The following HERC4 variants were observed in gnomAD, a reference collection of about 807,000 sequenced individuals.
The protein encoded by HERC4 is HECT and RLD domain containing E3 ubiquitin protein ligase 4, also known as probable E3 ubiquitin-protein ligase HERC4.
HERC4 carries 28 observed loss-of-function variants against 124.3 expected under a neutral mutation model. That is an observed-to-expected ratio of 0.23 (90% CI 0.17 to 0.31). The LOEUF (loss-of-function observed/expected upper bound fraction) is 0.31. Among genes scored for constraint, HERC4 ranks in the 10% least tolerant of loss-of-function variants. HERC4 has a pLI of 1.00. For synonymous variants in HERC4, 407 were observed against 421.5 expected (o/e 0.97, Z 0.42); for missense variants, 713 against 1,229.3 (o/e 0.58, Z 6.28).
intron 8 of HERC4, among the ~76,000 whole-genome samples, chr10:68,023,781 C>A (rs527576870): frequency 3.3e-5 from 5 of 152,082 alleles, no homozygotes; most frequent in Admixed American, 2.0e-4. Context: ...AAAGTTGATT[C>A]CTTACTTGAA....
At chr10:68,016,729 T>C (rs897888494) in intron 8 of HERC4, among the ~76,000 whole-genome samples, 15 of 152,328 alleles carry the variant, frequency 9.8e-5, no homozygotes, top group Admixed American at 7.2e-4. Flanking sequence ...ACTTCCTGTT[T>C]AGGTTAAGTC....
chr10:67,973,388 T>C (rs184004070), intron 15 of HERC4, among the ~76,000 whole-genome samples: 3 of 152,332 alleles, frequency 2.0e-5, no homozygotes, highest in African/African-American at 7.2e-5. Context: ...TTAGCCATCC[T>C]CAGCCAAGGC....
intron 23 of HERC4, among the ~76,000 whole-genome samples, chr10:67,929,942 C>A (rs1301318966): frequency 1.3e-5 from 2 of 151,848 alleles, no homozygotes; most frequent in Non-Finnish European, 2.9e-5. Context: ...GCCTCCCGAG[C>A]AGCTGGGATT....
At chr10:67,941,365 C>T (rs7081996) in intron 19 of HERC4, among the ~76,000 whole-genome samples, 137,958 of 150,062 alleles carry the variant, frequency 0.92, 62,958 homozygotes, top group African/African-American at 0.94. Flanking sequence ...CAACTGTTTT[C>T]TCCCAGACAT....
intron 8 of HERC4, among the ~76,000 whole-genome samples, chr10:68,015,507 A>T (rs2038210768): frequency 6.6e-6 from 1 of 152,244 alleles, no homozygotes; most frequent in Non-Finnish European, 1.5e-5. Context: ...TCCAAAGTCA[A>T]TTCAAACTAA....
chr10:68,005,673 C>CT lies in HERC4; in HGVS notation c.1069+8352dup, dbSNP rs917004730. Among the ~76,000 whole-genome samples the CT allele has an allele frequency of 1.0e-3, 145 of 144,162 alleles. 1 individual carries two copies. Among genetic ancestry groups the CT allele is most frequent in the East Asian group, 7.9e-3 (39 of 4,960 alleles). 94.6% of individuals were successfully genotyped at this position (144,162 alleles called of 152,430 possible). A position where few individuals can be genotyped will look rare whatever the true frequency, so the allele number is the denominator to read the frequency against. ...TTCTCTGGTGGTATGTTTTAATTTC[C>CT]TTTTTTTTTTTAATTTTCTGTGCAT... On this transcript the variant is annotated intron_variant, in intron 9 of 24. Transcript: ENST00000373700.
In HERC4 at chr10:67,940,934, C is replaced by G; in HGVS notation, c.2504+5G>C. The G allele has an allele frequency of 1.2e-6, 2 of 1,605,430 alleles. No homozygotes were observed. The highest frequency in any genetic ancestry group is 1.7e-6 in the Non-Finnish European group (2 of 1,177,588). On this transcript the variant is annotated splice_donor_5th_base_variant and intron_variant, in intron 20 of 24. Coordinates refer to ENST00000373700, the MANE Select transcript of HERC4 (RefSeq NM_015601.4). ...ACTACTTTTTGACTTTTTTTTCCAA[C>G]TAACCTCCCAACATCAGGCATTAGT...
At chr10:67,927,409 TATATATATATA>T (rs1564910824) in intron 23 of HERC4, among the ~76,000 whole-genome samples, 1 of 10,372 alleles carries the variant, frequency 9.6e-5, no homozygotes, top group African/African-American at 2.6e-4. Flanking sequence ...TATATATATA[TATATATATATA>T]TATATATATA....
intron 20 of HERC4, 69 bp from the exon 21 acceptor site, chr10:67,939,723 T>G (rs1008397974): frequency 1.7e-4 from 44 of 254,172 alleles, no homozygotes; most frequent in South Asian, 5.8e-4. Flanking sequence ...TACTTATGGA[T>G]ATATATATAT....
intron 9 of HERC4, among the ~76,000 whole-genome samples, chr10:67,998,223 A>G (rs1257057111): frequency 1.3e-5 from 2 of 151,588 alleles, no homozygotes; most frequent in African/African-American, 4.8e-5. Context: ...AGAAACCCCA[A>G]AAGTTCTCAA....
chr10:67,930,772 C>A (rs1378963420), intron 23 of HERC4, among the ~76,000 whole-genome samples: 1 of 152,206 alleles, frequency 6.6e-6, no homozygotes, highest in Non-Finnish European at 1.5e-5. Context: ...CTCTGCCTCC[C>A]AGGTTCAAGT....
intron 11 of HERC4, among the ~76,000 whole-genome samples, chr10:67,991,493 TAA>T (rs1172841658): frequency 6.6e-6 from 1 of 152,184 alleles, no homozygotes; most frequent in Non-Finnish European, 1.5e-5. Context: ...TATGTTCATG[TAA>T]AAAGTTTTTT....
chr10:68,027,374 T>A (rs933595175), intron 7 of HERC4, among the ~76,000 whole-genome samples: 30 of 152,180 alleles, frequency 2.0e-4, no homozygotes, highest in African/African-American at 6.8e-4. Flanking sequence ...TGGGGGTATT[T>A]TCAAACAAAA....
intron 3 of HERC4, among the ~76,000 whole-genome samples, chr10:68,066,698 C>T (rs530309409): frequency 6.6e-6 from 1 of 152,066 alleles, no homozygotes; most frequent in Non-Finnish European, 1.5e-5. Context: ...TACTATGGAC[C>T]TTGGCTTGTA....
At chr10:68,064,952 C>A (rs2041227735) in intron 3 of HERC4, among the ~76,000 whole-genome samples, 1 of 143,402 alleles carries the variant, frequency 7.0e-6, no homozygotes, top group South Asian at 2.2e-4. Flanking sequence ...GCTTGGGTGA[C>A]AGAGCAAGGC....
intron 4 of HERC4, chr10:68,039,356 G>A (rs774472918): frequency 1.1e-5 from 17 of 1,482,148 alleles, no homozygotes; most frequent in African/African-American, 5.8e-5. Context: ...AAGAAAAAAC[G>A]GGGGATGGGG....
At chr10:68,063,087 A>G (rs1046577566) in intron 3 of HERC4, among the ~76,000 whole-genome samples, 4 of 152,136 alleles carry the variant, frequency 2.6e-5, no homozygotes, top group Non-Finnish European at 5.9e-5. Context: ...TACATCCTGT[A>G]ACACTTAGCA....
chr10:68,044,674 T>C, intron 3 of HERC4, 111 bp from the exon 4 acceptor site: 1 of 949,952 alleles, frequency 1.1e-6, no homozygotes, highest in Non-Finnish European at 1.6e-6. Context: ...CTTCATTTTA[T>C]ACAAACAAGC....
At chr10:67,983,025 G>A (rs2036028468) in intron 15 of HERC4, among the ~76,000 whole-genome samples, 2 of 151,590 alleles carry the variant, frequency 1.3e-5, no homozygotes, top group Admixed American at 1.3e-4. Context: ...TTAATTGGGA[G>A]GCTGAGGCAG....
Sources: gnomAD v4.1 joint callset for allele counts (sites outside exome capture counted in the v4.1 genomes callset) on GRCh38, gnomAD v4.1.1 for gene constraint, MANE v1.5 for transcripts, NCBI Gene and HGNC (gene_info 2026-07-23, HGNC 2026-07-21) for gene names.